The following ST13 variants were observed in gnomAD, a reference collection of about 807,000 sequenced individuals.
ST13 encodes the protein ST13 Hsp70 interacting protein.
In ST13, 23 loss-of-function variants were observed where a neutral mutation model predicts 56.7. The ratio of observed to expected loss-of-function variants is 0.41; its 90% CI spans 0.29 to 0.57. The LOEUF is 0.57. Among genes scored for constraint, ST13 ranks in the 20% least tolerant of loss-of-function variants. The probability of loss-of-function intolerance (pLI) is 0.36; values close to 1 mark genes in which losing one functional copy is unlikely to be tolerated. For synonymous variants in ST13, 132 were observed against 142.4 expected, an observed-to-expected ratio of 0.93 and a Z score of 0.52; for missense variants, 369 against 459.9, an observed-to-expected ratio of 0.80 and a Z score of 1.81.
chr22:40,850,734 T>G, intron 2 of ST13, 89 bp downstream of exon 2: 1 of 930,690 alleles, frequency 1.1e-6, no homozygotes, highest in South Asian at 1.5e-5. Flanking sequence ...AAATCAGGAG[T>G]GATAACTGGA....
At chr22:40,845,327 T>C (rs767966583) in intron 3 of ST13, among the ~76,000 whole-genome samples, 2 of 152,180 alleles carry the variant, frequency 1.3e-5, no homozygotes, top group Non-Finnish European at 2.9e-5. Context: ...TTTAATATAA[T>C]TACATTCATT....
At chr22:40,833,620 T>G (rs2057764163) in intron 7 of ST13, among the ~76,000 whole-genome samples, 1 of 150,642 alleles carries the variant, frequency 6.6e-6, no homozygotes, top group African/African-American at 2.5e-5. Context: ...TCATGCCTAT[T>G]ATCCTAGCAC....
Position 40,848,348 on chromosome 22 carries a change from T to C in ST13, c.190A>G (p.Lys64Glu). Residue 64 changes from lysine (K) to glutamate (E), a missense_variant, in exon 3 of 12, where the codon AAG (lysine) becomes GAG (glutamate). Coordinates refer to ENST00000216218, the MANE Select transcript of ST13 (RefSeq NM_003932.5). Reference protein sequence around the residue: ...NTKEEKPDSKKVEEDLKADEP... With the variant: ...NTKEEKPDSKEVEEDLKADEP... The stretch of plus-strand genomic sequence containing the variant: ...TCTGCCTTTAAGTCTTCCTCCACCT[T>C]CTTACTATCAGGTTTTTCTTCCTAG... The C allele has an allele frequency of 6.2e-7, 1 of 1,612,836 alleles. No homozygotes were observed. The highest frequency in any genetic ancestry group is 8.5e-7 in the Non-Finnish European group (1 of 1,179,282).
chr22:40,831,642 C>T (rs1245286331), intron 8 of ST13, among the ~76,000 whole-genome samples: 1 of 152,138 alleles, frequency 6.6e-6, no homozygotes, highest in Non-Finnish European at 1.5e-5. Context: ...ACCAAATGAA[C>T]TCTCTGGCAG....
At chr22:40,840,827 G>C (rs2057800844) in intron 4 of ST13, 135 bp from the exon 5 acceptor site, 1 of 680,696 alleles carries the variant, frequency 1.5e-6, no homozygotes, top group South Asian at 2.0e-5. Flanking sequence ...AGAACAAAGA[G>C]ACAATTATGA....
At chr22:40,841,580 A>G (rs999536346) in intron 4 of ST13, among the ~76,000 whole-genome samples, 5 of 152,048 alleles carry the variant, frequency 3.3e-5, no homozygotes. Flanking sequence ...TACAAAAAAT[A>G]AAAAGAAAAA....
chr22:40,828,747 T>C (rs1003658221), intron 10 of ST13, among the ~76,000 whole-genome samples: 2 of 152,128 alleles, frequency 1.3e-5, no homozygotes. Context: ...TTAATTAAAA[T>C]ATGGCCATTA....
intron 3 of ST13, among the ~76,000 whole-genome samples, chr22:40,847,876 G>A (rs563604787): frequency 3.3e-5 from 5 of 152,062 alleles, no homozygotes; most frequent in Admixed American, 1.3e-4. Flanking sequence ...GTGAAAGCCC[G>A]TCTTTACTAA....
At chr22:40,840,911 C>T (rs774241553) in intron 4 of ST13, among the ~76,000 whole-genome samples, 6 of 152,038 alleles carry the variant, frequency 3.9e-5, no homozygotes, top group African/African-American at 9.7e-5. Context: ...ACACTCTGCC[C>T]GAGACATAAC....
intron 5 of ST13, among the ~76,000 whole-genome samples, chr22:40,840,081 C>T (rs1569001792): frequency 1.3e-5 from 2 of 151,786 alleles, no homozygotes; most frequent in Admixed American, 6.6e-5. Flanking sequence ...ACCCGGGAGG[C>T]GGAGGTTGTA....
At position 40,856,639 on chromosome 22, in the gene ST13, G is replaced by A. The variant is rs1421760735; in HGVS notation, c.-99C>T. The A allele has an allele frequency of 8.8e-6, 8 of 912,582 alleles. No homozygotes were observed. The highest frequency in any genetic ancestry group is 3.2e-4 in the Middle Eastern group (1 of 3,090). The allele number at this position is 912,582 out of a possible 1,614,324, so 56.5% of individuals were successfully genotyped here. ...GCGCAGAAGGGGGCGGCTGCCGCAAGACAGAACAGACTAGAACCTCCCCGG... is the reference window on the plus strand; with the variant it reads ...GCGCAGAAGGGGGCGGCTGCCGCAAAACAGAACAGACTAGAACCTCCCCGG... On this transcript the variant is annotated 5_prime_UTR_variant, in exon 1 of 12. Coordinates refer to ENST00000216218, the MANE Select transcript of ST13 (RefSeq NM_003932.5).
chr22:40,845,730 TAC>T (rs141527495), intron 3 of ST13, among the ~76,000 whole-genome samples: 4,638 of 151,274 alleles, frequency 0.031, 215 homozygotes, highest in African/African-American at 0.11. Context: ...TATATATATA[TAC>T]ACACACACAC....
intron 5 of ST13, among the ~76,000 whole-genome samples, chr22:40,838,616 GATA>G (rs1343221348): frequency 1.3e-5 from 2 of 151,282 alleles, no homozygotes; most frequent in Middle Eastern, 6.8e-3. Flanking sequence ...AAAAAAAAGA[GATA>G]ATAATTAGCC....
At chr22:40,844,983 C>G in intron 3 of ST13, 74 bp from the exon 4 acceptor site, 1 of 1,008,150 alleles carries the variant, frequency 9.9e-7, no homozygotes, top group Non-Finnish European at 1.5e-6. Context: ...TTATTAAAAA[C>G]TGACATACTA....
intron 1 of ST13, among the ~76,000 whole-genome samples, chr22:40,852,779 C>A (rs1253547607): frequency 6.6e-6 from 1 of 152,172 alleles, no homozygotes; most frequent in South Asian, 2.1e-4. Flanking sequence ...CCACAAAATT[C>A]TTTTCTATGG....
At chr22:40,851,113 T>G (rs958780192) in intron 1 of ST13, among the ~76,000 whole-genome samples, 5 of 152,050 alleles carry the variant, frequency 3.3e-5, no homozygotes, top group Non-Finnish European at 7.4e-5. Context: ...CCTCAATGAG[T>G]CAAATAAACA....
rs1053847912 is a variant in ST13 at position 40,835,278 on chromosome 22, T to C, written c.578+282A>G. ...AATCCTTTCCTTATATTTGGCCATA[T>C]GTAGTCAAAAACTGGTAAGAGTAGC... On this transcript the variant is annotated intron_variant, in intron 7 of 11. Coordinates refer to ENST00000216218, the MANE Select transcript of ST13 (RefSeq NM_003932.5). 8 of 237,584 alleles carry C rather than the reference T, an allele frequency of 3.4e-5. No individual in the cohort carries two copies. In the South Asian group the frequency reaches 6.3e-4, roughly 19 times the overall value. 14.7% of individuals were successfully genotyped at this position (237,584 alleles called of 1,614,324 possible).
chr22:40,853,536 CTTT>C (rs921948811), intron 1 of ST13, among the ~76,000 whole-genome samples: 1 of 152,120 alleles, frequency 6.6e-6, no homozygotes, highest in Non-Finnish European at 1.5e-5. Flanking sequence ...GCACTACAGG[CTTT>C]TTTATGTTAC....
intron 7 of ST13, among the ~76,000 whole-genome samples, chr22:40,833,564 C>CAA (rs138336): frequency 2.6e-5 from 3 of 115,410 alleles, no homozygotes; most frequent in Admixed American, 8.9e-5. Context: ...GACTCCATCT[C>CAA]AAAAAAAAAA....
Sources: gnomAD v4.1 joint callset for allele counts (sites outside exome capture counted in the v4.1 genomes callset) on GRCh38, gnomAD v4.1.1 for gene constraint, MANE v1.5 for transcripts, NCBI Gene and HGNC (gene_info 2026-07-23, HGNC 2026-07-21) for gene names.